The following PRKN variants were observed in gnomAD, a reference collection of about 807,000 sequenced individuals.
PRKN encodes E3 ubiquitin-protein ligase parkin.
In PRKN, 56 loss-of-function variants were observed where a neutral mutation model predicts 59.5. The ratio of observed to expected loss-of-function variants is 0.94; its 90% confidence interval spans 0.76 to 1.18. The LOEUF (loss-of-function observed/expected upper bound fraction) is 1.18. Among genes scored for constraint, PRKN ranks in the 50% most tolerant of loss-of-function variants. The pLI is 0.00. For synonymous variants in PRKN, 250 were observed against 222.1 expected (o/e 1.13, Z -1.12); for missense variants, 657 against 596.4 (o/e 1.10, Z -1.06).
At chr6:162,218,611 CCATT>C (rs2128079339) in intron 3 of PRKN, among the ~76,000 whole-genome samples, 2 of 152,214 alleles carry the variant, frequency 1.3e-5, no homozygotes, top group East Asian at 3.9e-4. Flanking sequence ...AATATGGAAA[CCATT>C]CATTAAAAGA....
chr6:161,863,595 C>T (rs1793994745), intron 6 of PRKN, among the ~76,000 whole-genome samples: 1 of 152,140 alleles, frequency 6.6e-6, no homozygotes, highest in South Asian at 2.1e-4. Flanking sequence ...TGAAGGTAAT[C>T]TCTGTATGAC....
chr6:161,600,058 T>A lies in PRKN; in HGVS notation c.872-30642A>T, dbSNP rs181280632. ...TTATATTAACATTCAATTAATGATA[T>A]AATTTCTTTTTATTGTACAGTTCAT... On this transcript the variant is annotated intron_variant, in intron 7 of 11. Transcript: ENST00000366898. Among the ~76,000 whole-genome samples the A allele has an allele frequency of 3.2e-3, 485 of 152,318 alleles. 6 individuals are homozygous for A. Among genetic ancestry groups the A allele is most frequent in the Non-Finnish European group, 3.2e-3 (219 of 68,034 alleles).
In PRKN at chr6:161,361,977, C is replaced by T. The variant is rs569781308; in HGVS notation, c.1168-1772G>A. On this transcript the variant is annotated intron_variant, in intron 10 of 11. Transcript: ENST00000366898. The surrounding 1 kb of genome is among the most constrained non-coding windows in gnomAD (Gnocchi z 5.2). ...ACGTGGCAAACACCCATCCCCCCAC[C>T]GACCTGCACCCCAACGCCACCCCGG... Among the ~76,000 whole-genome samples, 74 of 152,212 alleles carry T rather than the reference C, an allele frequency of 4.9e-4. No individual in the cohort carries two copies. The highest frequency in any genetic ancestry group is 8.1e-4 in the Non-Finnish European group (55 of 68,020).
At chr6:162,172,920 C>T (rs932153185) in intron 4 of PRKN, among the ~76,000 whole-genome samples, 28 of 152,114 alleles carry the variant, frequency 1.8e-4, no homozygotes, top group Admixed American at 3.9e-4. Context: ...AGAAGGGGGG[C>T]GTGTGGGAGT....
intron 9 of PRKN, among the ~76,000 whole-genome samples, chr6:161,540,353 G>T (rs1779573790): frequency 6.6e-6 from 1 of 152,022 alleles, no homozygotes; most frequent in African/African-American, 2.4e-5. Flanking sequence ...CTTGGAAGAA[G>T]AGTTACTAAG....
intron 1 of PRKN, among the ~76,000 whole-genome samples, chr6:162,478,620 G>A (rs1008633307): frequency 3.3e-5 from 5 of 152,130 alleles, no homozygotes; most frequent in South Asian, 4.2e-4. Flanking sequence ...ACTGAACAAC[G>A]AGGACACATT....
intron 4 of PRKN, among the ~76,000 whole-genome samples, chr6:162,188,010 C>T (rs527725586): frequency 6.6e-6 from 1 of 152,122 alleles, no homozygotes; most frequent in Non-Finnish European, 1.5e-5. Flanking sequence ...TTTTCCTGCA[C>T]TGTTCTCATG....
chr6:162,333,512 G>A (rs1026405760), intron 2 of PRKN, among the ~76,000 whole-genome samples: 1 of 151,966 alleles, frequency 6.6e-6, no homozygotes, highest in Non-Finnish European at 1.5e-5. Context: ...TATGATCCAC[G>A]ATCACTGACA....
intron 2 of PRKN, among the ~76,000 whole-genome samples, chr6:162,298,851 A>T (rs1233682515): frequency 3.3e-5 from 5 of 152,050 alleles, no homozygotes; most frequent in Non-Finnish European, 7.4e-5. Flanking sequence ...GGAGGAGGGG[A>T]GGGCTGGAAG....
At chr6:161,661,788 C>T (rs1212714767) in intron 7 of PRKN, among the ~76,000 whole-genome samples, 3 of 152,040 alleles carry the variant, frequency 2.0e-5, no homozygotes, top group Admixed American at 6.6e-5. Flanking sequence ...TTTGGGAGGC[C>T]GACGTGGGAG....
Position 161,488,710 on chromosome 6 carries a change from C to T in PRKN, c.1083+60144G>A, listed in dbSNP as rs933375991. 6.6e-6 allele frequency among the ~76,000 whole-genome samples: 1 copy of T among 152,118 alleles called. No individual in the cohort carries two copies. The highest frequency in any genetic ancestry group is 6.5e-5 in the Admixed American group (1 of 15,274). On this transcript the variant is annotated intron_variant, in intron 9 of 11. Transcript: ENST00000366898. The surrounding 1 kb of genome is among the most constrained non-coding windows in gnomAD (Gnocchi z 4.5). Reference sequence around the variant, plus strand: ...CTATGTTGCCCAGGCTGGTCTTGAACTCGGCCTCAAGTGATCCTCCCACCT... The same window carrying T: ...CTATGTTGCCCAGGCTGGTCTTGAATTCGGCCTCAAGTGATCCTCCCACCT...
At chr6:161,944,078 G>GC (rs1381278395) in intron 6 of PRKN, among the ~76,000 whole-genome samples, 1 of 146,584 alleles carries the variant, frequency 6.8e-6, no homozygotes, top group Non-Finnish European at 1.5e-5. Context: ...GGATCAGCCT[G>GC]AGGGACCAGC....
chr6:162,555,932 G>A (rs9365462), intron 1 of PRKN, among the ~76,000 whole-genome samples: 42,900 of 147,782 alleles, frequency 0.29, 6,627 homozygotes, highest in East Asian at 0.48. Flanking sequence ...TGGAGGTTGC[G>A]GTGTGCCGAA....
At chr6:161,799,378 A>G (rs1290543372) in intron 6 of PRKN, among the ~76,000 whole-genome samples, 1 of 152,196 alleles carries the variant, frequency 6.6e-6, no homozygotes, top group African/African-American at 2.4e-5. Context: ...CAGTGTCCAG[A>G]GGTCTGCAGT....
At chr6:162,490,844 G>A (rs940721970) in intron 1 of PRKN, among the ~76,000 whole-genome samples, 1 of 152,144 alleles carries the variant, frequency 6.6e-6, no homozygotes, top group South Asian at 2.1e-4. Flanking sequence ...CAAAAGGACG[G>A]CACGAGGGGC....
rs1173067362 is a variant in PRKN at position 161,575,226 on chromosome 6, C to T, written c.872-5810G>A. 3.3e-5 allele frequency among the ~76,000 whole-genome samples: 5 copies of T among 152,126 alleles called. No individual in the cohort carries two copies. Among genetic ancestry groups the T allele is most frequent in the Admixed American group, 1.3e-4 (2 of 15,278 alleles). ...TGAATCTTATTTTAAAGGACAACTG[C>T]GAAACTGGGCTCTATATTTCAATTA... is the stretch of plus-strand genomic sequence containing the variant. On this transcript the variant is annotated intron_variant, in intron 7 of 11. Transcript: ENST00000366898. This position sits in a 1 kb window ranked among gnomAD's most constrained non-coding sequence, Gnocchi z 4.6.
At chr6:162,164,035 T>C (rs183789781) in intron 4 of PRKN, among the ~76,000 whole-genome samples, 1 of 149,144 alleles carries the variant, frequency 6.7e-6, no homozygotes, top group East Asian at 1.9e-4. Flanking sequence ...TAAAGATGAA[T>C]AGGTTTTGTG....
intron 5 of PRKN, among the ~76,000 whole-genome samples, chr6:162,051,258 C>T (rs1777627526): frequency 6.6e-6 from 1 of 152,078 alleles, no homozygotes; most frequent in South Asian, 2.1e-4. Context: ...AGAATTCACA[C>T]CCAGGAGAGG....
rs555657417 is a variant in PRKN, at chr6:161,502,667, A to T, written c.1083+46187T>A. On this transcript the variant is annotated intron_variant, in intron 9 of 11. Coordinates refer to ENST00000366898, the MANE Select transcript of PRKN (RefSeq NM_004562.3). The surrounding 1 kb of genome is among the most constrained non-coding windows in gnomAD (Gnocchi z 4.0). Reference sequence around the variant, plus strand: ...GGGATTTGGGAGTAGCAACCTCTGGAGTACCAGTGCATTTATGGAAAGATA... The same window carrying T: ...GGGATTTGGGAGTAGCAACCTCTGGTGTACCAGTGCATTTATGGAAAGATA... Among the ~76,000 whole-genome samples, 7 of 152,300 alleles carry T rather than the reference A, an allele frequency of 4.6e-5. No homozygotes were observed.
Sources: allele counts gnomAD v4.1 joint callset (sites outside exome capture counted in the v4.1 genomes callset), GRCh38; gene constraint gnomAD v4.1.1; non-coding constraint Gnocchi (gnomAD v3.1); transcripts MANE v1.5; gene names NCBI Gene and HGNC (gene_info 2026-07-23, HGNC 2026-07-21).